USP49: variants seen among roughly 807,000 people sequenced by gnomAD.
USP49 encodes the protein ubiquitin specific peptidase 49.
Under a neutral mutation model 58.6 loss-of-function variants are expected in USP49, and 24 were observed. That is an observed-to-expected ratio of 0.41 (90% CI 0.30 to 0.58). The LOEUF is 0.58. Ranked by LOEUF, USP49 falls within the 20% of genes least tolerant of loss-of-function variation. The pLI, the probability that USP49 is intolerant of heterozygous loss-of-function variation, is 0.30. For missense variants in USP49, 703 were observed against 866.1 expected (o/e 0.81, Z 2.36); for synonymous variants, 408 against 365.1 (o/e 1.12, Z -1.34).
At position 41,806,075 on chromosome 6, in the gene USP49, A is replaced by C; in HGVS notation, c.909T>G (p.Leu303=). ...CCGAGCTGTTGGTTGGCTTGCCAGA[A>C]AGCTGAGTCTTCCCGTTGGTGGCTT... is the stretch of plus-strand genomic sequence containing the variant. ...FPKATNGKTQ[L]SGKPTNSSAT... The change falls in exon 4 of 8, where the codon CTT becomes CTG. Residue 303 remains leucine (L), a synonymous_variant. Coordinates refer to ENST00000682992, the MANE Select transcript of USP49 (RefSeq NM_001286554.2). The surrounding 1 kb of genome is among the most constrained non-coding windows in gnomAD (Gnocchi z 5.9). The C allele has an allele frequency of 6.2e-7, 1 of 1,614,060 alleles. No homozygotes were observed. The highest frequency in any genetic ancestry group is 8.5e-7 in the Non-Finnish European group (1 of 1,180,024).
At chr6:41,799,019 A>G in intron 6 of USP49, 90 bp from the exon 7 acceptor site, 1 of 1,481,218 alleles carries the variant, frequency 6.8e-7, no homozygotes, top group Non-Finnish European at 9.0e-7. Flanking sequence ...GAAACTGAGA[A>G]AATTTAACCT....
In USP49 at chr6:41,806,427, C is replaced by A. The variant is rs200523441; in HGVS notation, c.557G>T (p.Arg186Leu). Residue 186 changes from arginine to leucine, a missense_variant, in exon 4 of 8, where the codon CGG (arginine) becomes CTG (leucine). Coordinates refer to ENST00000682992, the MANE Select transcript of USP49 (RefSeq NM_001286554.2). This position sits in a 1 kb window ranked among gnomAD's most constrained non-coding sequence, Gnocchi z 5.9. ...CCGTTTCACCTCGCGCCGCCGCCTC[C>A]GCGCCTCCTCCTTCTTGCGCTCCAG... Reference protein sequence around the residue: ...EALERKKEEARRRRREVKRRL... With the variant: ...EALERKKEEALRRRREVKRRL... 6.3e-7 allele frequency: 1 copy of A among 1,580,148 alleles called. No individual in the cohort carries two copies. The highest frequency in any genetic ancestry group is 8.5e-7 in the Non-Finnish European group (1 of 1,171,616).
intron 3 of USP49, among the ~76,000 whole-genome samples, chr6:41,815,353 G>A (rs1343346027): frequency 6.6e-6 from 1 of 151,856 alleles, no homozygotes; most frequent in Middle Eastern, 3.2e-3. Context: ...CCTGGGAGGC[G>A]GAGCTTCCAG....
intron 4 of USP49, 46 bp from the exon 5 acceptor site, chr6:41,804,056 C>T (rs754334882): frequency 1.9e-6 from 3 of 1,575,754 alleles, no homozygotes; most frequent in Admixed American, 1.7e-5. Context: ...TTCCATGCTT[C>T]CTGTGTACAG....
At chr6:41,869,153 C>T (rs2127358444) in intron 3 of USP49, among the ~76,000 whole-genome samples, 1 of 148,784 alleles carries the variant, frequency 6.7e-6, no homozygotes, top group Non-Finnish European at 1.5e-5. Context: ...TTTCTAAGTG[C>T]TCTTCCTTCT....
chr6:41,820,734 T>G (rs921362564), intron 3 of USP49, among the ~76,000 whole-genome samples: 5 of 152,166 alleles, frequency 3.3e-5, no homozygotes, highest in Non-Finnish European at 5.9e-5. Flanking sequence ...GCATGGTAGC[T>G]CACACCTGTA....
At chr6:41,877,329 A>T (rs1458597485) in intron 2 of USP49, among the ~76,000 whole-genome samples, 1 of 152,218 alleles carries the variant, frequency 6.6e-6, no homozygotes, top group Non-Finnish European at 1.5e-5. Flanking sequence ...CATTTGCCAC[A>T]TTAATTGACT....
chr6:41,870,547 T>C (rs1366317811), intron 3 of USP49, among the ~76,000 whole-genome samples: 1 of 150,960 alleles, frequency 6.6e-6, no homozygotes, highest in Non-Finnish European at 1.5e-5. Flanking sequence ...TCTGTAGAAT[T>C]CTATTTTTTA....
chr6:41,870,965 T>G (rs993277458), intron 3 of USP49, among the ~76,000 whole-genome samples: 17 of 151,878 alleles, frequency 1.1e-4, no homozygotes, highest in African/African-American at 3.9e-4. Flanking sequence ...GCAAGAGAAT[T>G]GCTTGCACCC....
intron 3 of USP49, among the ~76,000 whole-genome samples, chr6:41,859,981 G>A (rs550378927): frequency 1.3e-5 from 2 of 152,306 alleles, no homozygotes; most frequent in African/African-American, 2.4e-5. Flanking sequence ...CTAGCTAATA[G>A]TCCCATTTAC....
chr6:41,866,657 T>A (rs891045625), intron 3 of USP49, among the ~76,000 whole-genome samples: 1 of 151,880 alleles, frequency 6.6e-6, no homozygotes, highest in Non-Finnish European at 1.5e-5. Context: ...ATGAGAAGAG[T>A]GGCCTTATTT....
intron 3 of USP49, among the ~76,000 whole-genome samples, chr6:41,809,401 T>G (rs1390167167): frequency 2.0e-5 from 3 of 151,874 alleles, no homozygotes; most frequent in South Asian, 2.1e-4. Context: ...GGCAGGCGCC[T>G]GTAATCCCAG....
At position 41,882,641 on chromosome 6, in the gene USP49, G is replaced by A. The variant is rs543043432; in HGVS notation, c.-103+9153C>T. 3.3e-5 allele frequency among the ~76,000 whole-genome samples: 5 copies of A among 152,278 alleles called. No homozygotes were observed. The East Asian group carries it at 7.7e-4, about 23-fold the overall frequency. On this transcript the variant is annotated intron_variant, in intron 2 of 7. Transcript: ENST00000682992. Reference sequence around the variant, plus strand: ...ATTCGGTAAAGAACAAGGCAGCCACGCGCAGTGGCTCACGCCTGTAATCCC... The same window carrying A: ...ATTCGGTAAAGAACAAGGCAGCCACACGCAGTGGCTCACGCCTGTAATCCC...
At chr6:41,836,461 C>A (rs1561913398) in intron 3 of USP49, among the ~76,000 whole-genome samples, 1 of 152,072 alleles carries the variant, frequency 6.6e-6, no homozygotes, top group African/African-American at 2.4e-5. Context: ...AGAACTGGAA[C>A]AAGATAAGAA....
intron 3 of USP49, among the ~76,000 whole-genome samples, chr6:41,809,498 C>A (rs1296654658): frequency 1.3e-5 from 2 of 151,804 alleles, no homozygotes; most frequent in Non-Finnish European, 2.9e-5. Context: ...GCATTCCAGC[C>A]TGGAGGACAG....
chr6:41,885,721 G>A (rs776591421), intron 2 of USP49, among the ~76,000 whole-genome samples: 50 of 152,272 alleles, frequency 3.3e-4, no homozygotes, highest in Non-Finnish European at 5.4e-4. Context: ...GCTTGAAGCC[G>A]GGAGGTGGAT....
Position 41,794,681 on chromosome 6 carries a change from T to C in USP49, c.*1852A>G, listed in dbSNP as rs1024858748. The C allele has an allele frequency of 6.6e-6, 1 of 152,184 alleles. No homozygotes were observed. Among genetic ancestry groups the C allele is most frequent in the African/African-American group, 2.4e-5 (1 of 41,456 alleles). The allele number at this position is 152,184 out of a possible 1,614,324, so 9.4% of individuals were successfully genotyped here. On this transcript the variant is annotated 3_prime_UTR_variant, in exon 8 of 8. Transcript: ENST00000682992. Reference sequence around the variant, plus strand: ...GGACAGCGGTGACACTTTAAAACAGTGTCCAGGAGAGGGTGAGCCCAGGCA... The same window carrying C: ...GGACAGCGGTGACACTTTAAAACAGCGTCCAGGAGAGGGTGAGCCCAGGCA...
chr6:41,810,485 G>A (rs1416764043), intron 3 of USP49, among the ~76,000 whole-genome samples: 3 of 150,528 alleles, frequency 2.0e-5, no homozygotes, highest in East Asian at 1.9e-4. Context: ...GCGAGACTTC[G>A]TCTCCAAAAA....
Position 41,806,435 on chromosome 6 carries a change from C to T in USP49, c.549G>A (p.Glu183=). Residue 183 remains glutamate, a synonymous_variant, in exon 4 of 8, where the codon GAG becomes GAA. Coordinates refer to ENST00000682992, the MANE Select transcript of USP49 (RefSeq NM_001286554.2). The surrounding 1 kb of genome is among the most constrained non-coding windows in gnomAD (Gnocchi z 5.9). Reference sequence around the variant, plus strand: ...CCTCGCGCCGCCGCCTCCGCGCCTCCTCCTTCTTGCGCTCCAGGGCCTCCT... The same window carrying T: ...CCTCGCGCCGCCGCCTCCGCGCCTCTTCCTTCTTGCGCTCCAGGGCCTCCT... The part of the protein sequence containing the change: ...RQEEALERKK[E]EARRRRREVK... 6.3e-7 allele frequency: 1 copy of T among 1,584,914 alleles called. No individual in the cohort carries two copies.
Sources: gnomAD v4.1 joint callset for allele counts (sites outside exome capture counted in the v4.1 genomes callset) on GRCh38, gnomAD v4.1.1 for gene constraint, Gnocchi (gnomAD v3.1) non-coding constraint, MANE v1.5 for transcripts, NCBI Gene and HGNC (gene_info 2026-07-23, HGNC 2026-07-21) for gene names.